The following REPS2 variants were observed in gnomAD, a reference collection of about 807,000 sequenced individuals.
The protein encoded by REPS2 is RALBP1 associated Eps domain containing 2, also known as ralBP1-associated Eps domain-containing protein 2.
A neutral mutation model predicts 53.6 loss-of-function variants in REPS2; 23 were observed. The observed-to-expected ratio is 0.43, with a 90% CI of 0.31 to 0.61. The LOEUF (loss-of-function observed/expected upper bound fraction) is 0.61, where lower values mean the gene tolerates loss of function less well. Ranked by LOEUF, REPS2 falls within the 20% of genes least tolerant of loss-of-function variation. The probability of loss-of-function intolerance (pLI) is 0.11; values close to 1 mark genes in which losing one functional copy is unlikely to be tolerated. For missense variants in REPS2, 446 were observed against 534.9 expected (o/e 0.83, Z 1.64); for synonymous variants, 238 against 218.6 (o/e 1.09, Z -0.78).
At chrX:17,110,106 G>A (rs1026337555) in intron 14 of REPS2, among the ~76,000 whole-genome samples, 4 of 111,227 alleles carry the variant, frequency 3.6e-5, no homozygotes, top group Non-Finnish European at 5.7e-5. Flanking sequence ...CTTTTTTGGG[G>A]CAGGGGAAGG....
At position 17,150,303 on chromosome X, in the gene REPS2, G is replaced by A. The variant is rs1418789555; in HGVS notation, c.*2822G>A. ...CCTGCCTGTTGGGGAGAATTCTATA[G>A]ACAGAAGGTCAATGTTGTCCCCATC... is the stretch of plus-strand genomic sequence containing the variant. On this transcript the variant is annotated 3_prime_UTR_variant, in exon 18 of 18. Coordinates refer to ENST00000357277, the MANE Select transcript of REPS2 (RefSeq NM_004726.3). 8.9e-6 allele frequency: 1 copy of A among 112,402 alleles called. No homozygotes were observed. Among genetic ancestry groups the A allele is most frequent in the African/African-American group, 3.2e-5 (1 of 30,880 alleles). The allele number at this position is 112,402 out of a possible 1,213,427, so 9.3% of individuals were successfully genotyped here. A position where few individuals can be genotyped will look rare whatever the true frequency, so the allele number is the denominator to read the frequency against.
At chrX:17,099,961 G>T (rs2148048437) in intron 13 of REPS2, 1 of 1,161,356 alleles carries the variant, frequency 8.6e-7, no homozygotes, top group Admixed American at 2.2e-5. Context: ...CCAATAATCT[G>T]CTCCGGCTCC....
intron 1 of REPS2, among the ~76,000 whole-genome samples, chrX:16,970,192 T>A (rs1341409471): frequency 9.1e-6 from 1 of 110,066 alleles, no homozygotes; most frequent in Non-Finnish European, 1.9e-5. Flanking sequence ...TCTGTTGTTT[T>A]CCCACTTTTT....
At chrX:17,013,103 C>A (rs2061449458) in intron 2 of REPS2, among the ~76,000 whole-genome samples, 1 of 112,185 alleles carries the variant, frequency 8.9e-6, no homozygotes, top group South Asian at 3.7e-4. Flanking sequence ...TTTGGTTGTC[C>A]CAGCTGCGGA....
chrX:17,103,314 A>G (rs910417896), intron 13 of REPS2, among the ~76,000 whole-genome samples: 7 of 111,837 alleles, frequency 6.3e-5, no homozygotes, highest in African/African-American at 2.3e-4. Context: ...CTACTCATTG[A>G]GCTAATGAGC....
chrX:16,971,459 T>C (rs2060893559), intron 1 of REPS2, among the ~76,000 whole-genome samples: 1 of 112,396 alleles, frequency 8.9e-6, no homozygotes, highest in African/African-American at 3.2e-5. Context: ...AAAAATTTTC[T>C]TCCATTTTGT....
intron 14 of REPS2, among the ~76,000 whole-genome samples, chrX:17,109,631 G>T (rs1179012322): frequency 9.0e-6 from 1 of 111,073 alleles, no homozygotes; most frequent in Non-Finnish European, 1.9e-5. Flanking sequence ...GGAAGGTCCT[G>T]CTGGAAGAAC....
rs1044924456 is a variant in REPS2, at chrX:16,978,973, C to T, written c.274-27248C>T. Among the ~76,000 whole-genome samples the T allele has an allele frequency of 1.1e-4, 12 of 111,867 alleles. No homozygotes were observed. In the South Asian group the frequency reaches 1.5e-3, roughly 14 times the overall value. On this transcript the variant is annotated intron_variant, in intron 1 of 17. Coordinates refer to ENST00000357277, the MANE Select transcript of REPS2 (RefSeq NM_004726.3). ...AAACCAAGTGGCTCCTAGCTTCTAA[C>T]ACCTTATTTTCTATGGTGTAAGTTA...
intron 6 of REPS2, among the ~76,000 whole-genome samples, chrX:17,048,032 C>T (rs2061931129): frequency 8.9e-6 from 1 of 112,572 alleles, no homozygotes; most frequent in Non-Finnish European, 1.9e-5. Context: ...GTTGAGTTCT[C>T]ATGTAAAATT....
At chrX:17,036,490 A>G (rs949648891) in intron 5 of REPS2, among the ~76,000 whole-genome samples, 1 of 111,724 alleles carries the variant, frequency 9.0e-6, no homozygotes, top group Non-Finnish European at 1.9e-5. Flanking sequence ...GACCAGAGAT[A>G]TACTGGAGTG....
At chrX:17,178,140 C>T in the REPS2 span, among the ~76,000 whole-genome samples, 4 of 111,926 alleles carry the variant, frequency 3.6e-5, no homozygotes, top group Admixed American at 1.9e-4. Flanking sequence ...ATAGAGGAGA[C>T]ATCTAAGTGG....
chrX:17,071,999 G>A (rs1047521234), intron 11 of REPS2, among the ~76,000 whole-genome samples: 9 of 111,463 alleles, frequency 8.1e-5, no homozygotes, highest in African/African-American at 2.9e-4. Context: ...TGATGTTTCT[G>A]GCCCATGTTG....
chrX:16,977,730 AAAAAC>A (rs1237999845), intron 1 of REPS2, among the ~76,000 whole-genome samples: 3 of 108,756 alleles, frequency 2.8e-5, no homozygotes, highest in Non-Finnish European at 3.8e-5. Flanking sequence ...AAAAAAAAAA[AAAAAC>A]AAACAAAAGA....
intron 13 of REPS2, among the ~76,000 whole-genome samples, chrX:17,079,308 C>T (rs759058703): frequency 9.8e-5 from 11 of 111,757 alleles, no homozygotes; most frequent in Non-Finnish European, 5.6e-5. Context: ...AAGCCTCCAC[C>T]GAGGAGGATA....
chrX:17,050,141 C>CCTTCCTTCCTTCCTTT (rs1555926667), intron 6 of REPS2, among the ~76,000 whole-genome samples: 5 of 20,382 alleles, frequency 2.5e-4, no homozygotes, highest in East Asian at 7.5e-3. Context: ...TTCCTTTCTT[C>CCTTCCTTCCTTCCTTT]CTTTCTTTCT....
At position 17,147,008 on chromosome X, in the gene REPS2, C is replaced by A. The variant is rs149836222; in HGVS notation, c.1915-405C>A. Reference sequence around the variant, plus strand: ...CTGAGTATGGTGCGGGATTACGAGCCAGAGATTGCAACTAGAAATTTAAGT... The same window carrying A: ...CTGAGTATGGTGCGGGATTACGAGCAAGAGATTGCAACTAGAAATTTAAGT... On this transcript the variant is annotated intron_variant, in intron 17 of 17. Transcript: ENST00000357277. Among the ~76,000 whole-genome samples, 872 of 111,791 alleles carry A rather than the reference C, an allele frequency of 7.8e-3. 11 individuals are homozygous for A. Among genetic ancestry groups the A allele is most frequent in the African/African-American group, 0.027 (844 of 30,709 alleles).
At chrX:16,965,042 T>C (rs2060727381) in intron 1 of REPS2, among the ~76,000 whole-genome samples, 1 of 84,103 alleles carries the variant, frequency 1.2e-5, no homozygotes, top group African/African-American at 4.7e-5. Flanking sequence ...GGCGGGGGGC[T>C]GACCCCCCCA....
chrX:17,000,194 G>A (rs982689649), intron 1 of REPS2, among the ~76,000 whole-genome samples: 4 of 111,894 alleles, frequency 3.6e-5, no homozygotes, highest in South Asian at 3.7e-4. Context: ...CTGTTTGAAA[G>A]CTCCTGAAAA....
intron 2 of REPS2, among the ~76,000 whole-genome samples, chrX:17,021,175 G>A (rs1054743118): frequency 2.7e-5 from 3 of 112,410 alleles, no homozygotes; most frequent in Non-Finnish European, 5.6e-5. Flanking sequence ...GGATACAGAT[G>A]CAAATCATTA....
Sources: allele counts gnomAD v4.1 joint callset (sites outside exome capture counted in the v4.1 genomes callset), GRCh38; gene constraint gnomAD v4.1.1; transcripts MANE v1.5; gene names NCBI Gene and HGNC (gene_info 2026-07-23, HGNC 2026-07-21).